PRH1: variants seen among roughly 807,000 people sequenced by gnomAD.
The protein encoded by PRH1 is proline rich protein HaeIII subfamily 1.
In PRH1, 7 loss-of-function variants were observed where a neutral mutation model predicts 7.9. That is an observed-to-expected ratio of 0.89 (90% confidence interval 0.50 to 1.67). The LOEUF is 1.67. PRH1 is among the 40% of genes most tolerant of loss of function. The probability of loss-of-function intolerance (pLI) is 0.00; values close to 1 mark genes in which losing one functional copy is unlikely to be tolerated. For synonymous variants in PRH1, 45 were observed against 80.8 expected, an observed-to-expected ratio of 0.56 and a Z score of 2.38; for missense variants, 109 against 223.6, an observed-to-expected ratio of 0.49 and a Z score of 3.27.
At chr12:11,097,162 A>T (rs1331386212) in intron 1 of PRH1, 2 of 188,962 alleles carry the variant, frequency 1.1e-5, no homozygotes, top group Non-Finnish European at 2.4e-5. Flanking sequence ...AATATCAAAT[A>T]GTAAAACATT....
chr12:11,141,088 G>A (rs1348665803), intron 1 of PRH1, among the ~76,000 whole-genome samples: 3 of 152,030 alleles, frequency 2.0e-5, no homozygotes, highest in Admixed American at 1.3e-4. Context: ...TCATGAATAG[G>A]AGGAATTATT....
intron 1 of PRH1, chr12:11,061,956 G>A (rs756985687): frequency 9.9e-6 from 16 of 1,613,870 alleles, no homozygotes; most frequent in African/African-American, 1.3e-5. Context: ...TAAGGTTGGA[G>A]AAATTGGCAA....
intron 2 of PRH1, among the ~76,000 whole-genome samples, chr12:10,962,972 G>A (rs1306732489): frequency 6.6e-6 from 1 of 152,168 alleles, no homozygotes; most frequent in East Asian, 1.9e-4. Flanking sequence ...GGGTTTCACA[G>A]CGTTAGCCAG....
Position 11,096,972 on chromosome 12 carries a change from G to T in PRH1, n.124-49784C>A, listed in dbSNP as rs182192862. Among the ~76,000 whole-genome samples, 2 of 113,250 alleles carry T rather than the reference G, an allele frequency of 1.8e-5. 1 individual carries two copies. The highest frequency in any genetic ancestry group is 5.9e-5 in the African/African-American group (2 of 33,696). 74.3% of individuals were successfully genotyped at this position (113,250 alleles called of 152,430 possible). On this transcript the variant is annotated intron_variant and non_coding_transcript_variant, in intron 1 of 4. Coordinates refer to the PRH1 transcript ENST00000541977. The stretch of plus-strand genomic sequence containing the variant: ...ACCACCACGCTCGGCTAATTTTTTC[G>T]TATTTTTAGTAGAGACGGGGTTTCA...
chr12:10,905,131 G>T (rs970317210), intron 2 of PRH1, among the ~76,000 whole-genome samples: 1 of 151,610 alleles, frequency 6.6e-6, no homozygotes, highest in African/African-American at 2.4e-5. Context: ...ATTTCTCAAA[G>T]AACTTAAAAT....
At chr12:11,049,472 T>C (rs75479977), upstream of PRH1, among the ~76,000 whole-genome samples, 4 of 36,586 alleles carry the variant, frequency 1.1e-4, no homozygotes, top group African/African-American at 2.0e-4. Flanking sequence ...AATATTCTTA[T>C]TCTCAAAACA....
rs148510765 is a variant in PRH1 at position 10,917,664 on chromosome 12, C to T, written c.-58-33389G>A. Reference sequence around the variant, plus strand: ...TCACTTGTTGCTTCACCCTAAACTTCAATTTATGTACACATTACAGTCCCC... The same window carrying T: ...TCACTTGTTGCTTCACCCTAAACTTTAATTTATGTACACATTACAGTCCCC... On this transcript the variant is annotated intron_variant, in intron 2 of 3. Transcript: ENST00000539853. 2.4e-3 allele frequency among the ~76,000 whole-genome samples: 358 copies of T among 152,286 alleles called. 1 individual carries two copies. Among genetic ancestry groups the T allele is most frequent in the African/African-American group, 8.2e-3 (341 of 41,552 alleles).
At chr12:11,002,577 CA>C (rs1940644663) in intron 1 of PRH1, among the ~76,000 whole-genome samples, 1 of 152,030 alleles carries the variant, frequency 6.6e-6, no homozygotes, top group African/African-American at 2.4e-5. Flanking sequence ...AATTATATAG[CA>C]TACAAACTGT....
At chr12:10,976,813 T>G (rs1368778509) in intron 1 of PRH1, among the ~76,000 whole-genome samples, 1 of 152,084 alleles carries the variant, frequency 6.6e-6, no homozygotes, top group African/African-American at 2.4e-5. Flanking sequence ...CTAGAAAACC[T>G]AGAAGAAATG....
chr12:10,949,630 A>AT lies in PRH1; in HGVS notation c.-59+24024dup, dbSNP rs748466735. ...TATGCACATATGTAGTTTTGGCTTA[A>AT]TTTTTTATTATTTTACTTTATTTTC... is the stretch of plus-strand genomic sequence containing the variant. On this transcript the variant is annotated intron_variant, in intron 2 of 3. Coordinates refer to the PRH1 transcript ENST00000539853. Among the ~76,000 whole-genome samples the AT allele has an allele frequency of 4.4e-4, 67 of 152,218 alleles. 1 individual carries two copies. The highest frequency in any genetic ancestry group is 7.2e-4 in the Admixed American group (11 of 15,282).
At chr12:11,083,317 G>A (rs1457853375) in intron 1 of PRH1, among the ~76,000 whole-genome samples, 2 of 139,944 alleles carry the variant, frequency 1.4e-5, no homozygotes, top group African/African-American at 5.1e-5. Context: ...AGAAAGTGGA[G>A]GTAGACTTCC....
At chr12:10,918,004 T>A (rs1214943255) in intron 2 of PRH1, among the ~76,000 whole-genome samples, 2 of 152,110 alleles carry the variant, frequency 1.3e-5, no homozygotes, top group East Asian at 1.9e-4. Context: ...AAACATTAGG[T>A]CTTTATAGAT....
chr12:11,010,765 T>C (rs1384344104), intron 1 of PRH1, among the ~76,000 whole-genome samples: 1 of 151,966 alleles, frequency 6.6e-6, no homozygotes, highest in Non-Finnish European at 1.5e-5. Flanking sequence ...TTTTCTATTA[T>C]AATTCAGAAT....
At chr12:11,163,972 G>C (rs554477427) in intron 1 of PRH1, among the ~76,000 whole-genome samples, 1 of 152,154 alleles carries the variant, frequency 6.6e-6, no homozygotes, top group Non-Finnish European at 1.5e-5. Flanking sequence ...CTGGCACTTA[G>C]GTATCTACAG....
chr12:10,913,368 T>C (rs935811853), intron 2 of PRH1, among the ~76,000 whole-genome samples: 1 of 151,808 alleles, frequency 6.6e-6, no homozygotes, highest in African/African-American at 2.4e-5. Flanking sequence ...GGCAAGAGAA[T>C]GGCAGGAACC....
At chr12:11,027,031 G>A (rs573798160) in intron 1 of PRH1, among the ~76,000 whole-genome samples, 7 of 152,336 alleles carry the variant, frequency 4.6e-5, no homozygotes, top group Non-Finnish European at 8.8e-5. Flanking sequence ...TTAGGAGGCC[G>A]ACACGGGAAG....
intron 1 of PRH1, among the ~76,000 whole-genome samples, chr12:11,146,026 A>C (rs1946849702): frequency 6.6e-6 from 1 of 152,174 alleles, no homozygotes. Context: ...GTATGTGTAC[A>C]TAGATACATA....
chr12:11,044,367 T>C (rs927859698), intron 1 of PRH1, among the ~76,000 whole-genome samples: 1 of 152,094 alleles, frequency 6.6e-6, no homozygotes, highest in African/African-American at 2.4e-5. Context: ...CCCCAGGACA[T>C]TGGTTTGAGC....
intron 1 of PRH1, among the ~76,000 whole-genome samples, chr12:11,075,886 T>C (rs1443959553): frequency 2.2e-5 from 2 of 92,490 alleles, no homozygotes; most frequent in Non-Finnish European, 5.3e-5. Context: ...ACCACTAATG[T>C]GTTCATTAAC....
Sources: allele counts gnomAD v4.1 joint callset (sites outside exome capture counted in the v4.1 genomes callset), GRCh38; gene constraint gnomAD v4.1.1; transcripts MANE v1.5; gene names NCBI Gene and HGNC (gene_info 2026-07-23, HGNC 2026-07-21).